The following MTUS2 variants were observed in gnomAD, a reference collection of about 807,000 sequenced individuals.
MTUS2 encodes microtubule-associated tumor suppressor candidate 2.
In MTUS2, 40 loss-of-function variants were observed where a neutral mutation model predicts 114.1. That is an observed-to-expected ratio of 0.35 (90% CI 0.27 to 0.46). The LOEUF (loss-of-function observed/expected upper bound fraction) is 0.46. Ranked by LOEUF, MTUS2 falls within the 20% of genes least tolerant of loss-of-function variation. The probability of loss-of-function intolerance (pLI) is 1.00; values close to 1 mark genes in which losing one functional copy is unlikely to be tolerated. For missense variants in MTUS2, 1,679 were observed against 1,705.4 expected, an observed-to-expected ratio of 0.98 and a Z score of 0.27; for synonymous variants, 688 against 672.0, an observed-to-expected ratio of 1.02 and a Z score of -0.37.
intron 2 of MTUS2, among the ~76,000 whole-genome samples, chr13:29,007,246 AT>A (rs1212840281): frequency 6.6e-6 from 1 of 152,076 alleles, no homozygotes; most frequent in South Asian, 2.1e-4. Context: ...AAATTTTTAA[AT>A]TTTTATTATA....
At chr13:29,444,091 A>G (rs1878098912) in intron 9 of MTUS2, among the ~76,000 whole-genome samples, 1 of 152,136 alleles carries the variant, frequency 6.6e-6, no homozygotes, top group African/African-American at 2.4e-5. Context: ...ATACCCATCC[A>G]TTGTCCCAAC....
chr13:29,140,034 CTTCT>C (rs974644025), intron 5 of MTUS2, among the ~76,000 whole-genome samples: 75 of 152,302 alleles, frequency 4.9e-4, no homozygotes, highest in African/African-American at 1.7e-3. Context: ...TGAGAATTTT[CTTCT>C]TTCTCTGAGT....
At position 29,064,228 on chromosome 13, in the gene MTUS2, A is replaced by G. The variant is rs531603770; in HGVS notation, c.2446+30103A>G. On this transcript the variant is annotated intron_variant, in intron 4 of 15. Coordinates refer to ENST00000612955, the MANE Select transcript of MTUS2 (RefSeq NM_001033602.4). ...AGTGAAACAGCGAGGTCCATGCGGA[A>G]GGAACATGGCAGAGGCATGGAGATT... Among the ~76,000 whole-genome samples the G allele has an allele frequency of 2.0e-4, 30 of 152,278 alleles. No individual in the cohort carries two copies. In the South Asian group the frequency reaches 6.2e-3, roughly 32 times the overall value.
chr13:29,240,651 G>A (rs969132495), intron 5 of MTUS2, among the ~76,000 whole-genome samples: 5 of 152,136 alleles, frequency 3.3e-5, no homozygotes, highest in Non-Finnish European at 5.9e-5. Flanking sequence ...AAAAATTTCA[G>A]TGTGTTATCA....
intron 8 of MTUS2, among the ~76,000 whole-genome samples, chr13:29,392,705 A>T (rs1396216746): frequency 2.6e-5 from 4 of 152,178 alleles, no homozygotes; most frequent in Non-Finnish European, 5.9e-5. Context: ...AGTCAGATTT[A>T]TAGAGAGAGA....
intron 2 of MTUS2, among the ~76,000 whole-genome samples, chr13:28,846,055 A>AAAAAATAT (rs140946282): frequency 7.0e-6 from 1 of 143,160 alleles, no homozygotes; most frequent in South Asian, 2.2e-4. Flanking sequence ...TTAAAAAAAA[A>AAAAAATAT]ATATATATAT....
intron 2 of MTUS2, among the ~76,000 whole-genome samples, chr13:29,013,696 C>G (rs1885946313): frequency 6.6e-6 from 1 of 152,210 alleles, no homozygotes; most frequent in African/African-American, 2.4e-5. Context: ...AAATCCTGTA[C>G]TCAGACCTTG....
rs542776355 is a variant in MTUS2 at position 28,891,044 on chromosome 13, A to G, written c.-243+51194A>G. On this transcript the variant is annotated intron_variant, in intron 2 of 15. Transcript: ENST00000612955. The stretch of plus-strand genomic sequence containing the variant: ...CTCTTCATCAGCCCTACAAAGTGTC[A>G]GTTTTCCCCTCTGGACGAGCCCCTG... Among the ~76,000 whole-genome samples, 101 of 152,330 alleles carry G rather than the reference A, an allele frequency of 6.6e-4. 1 individual carries two copies. The highest frequency in any genetic ancestry group is 6.6e-3 in the South Asian group (32 of 4,828).
intron 7 of MTUS2, among the ~76,000 whole-genome samples, chr13:29,348,163 A>T (rs1868899239): frequency 6.6e-6 from 1 of 152,184 alleles, no homozygotes; most frequent in Non-Finnish European, 1.5e-5. Flanking sequence ...CAAGCTTCTA[A>T]TCATGGCTTG....
At chr13:28,909,862 A>G (rs966291305) in intron 2 of MTUS2, among the ~76,000 whole-genome samples, 5 of 152,178 alleles carry the variant, frequency 3.3e-5, no homozygotes, top group Non-Finnish European at 7.3e-5. Flanking sequence ...TGCAAAAATC[A>G]CAGCCGTTCT....
At chr13:29,050,661 T>C (rs914138592) in intron 4 of MTUS2, among the ~76,000 whole-genome samples, 7 of 152,212 alleles carry the variant, frequency 4.6e-5, no homozygotes, top group Admixed American at 6.5e-5. Context: ...TCACTCTGGT[T>C]CTACCCGTGT....
At chr13:29,203,676 GTC>G (rs1364800525) in intron 5 of MTUS2, among the ~76,000 whole-genome samples, 1 of 152,090 alleles carries the variant, frequency 6.6e-6, no homozygotes, top group African/African-American at 2.4e-5. Context: ...GAATCTCCTG[GTC>G]TGTGGGTTGT....
At chr13:29,086,636 A>G (rs1330807242) in intron 4 of MTUS2, among the ~76,000 whole-genome samples, 2 of 152,068 alleles carry the variant, frequency 1.3e-5, no homozygotes, top group Admixed American at 1.3e-4. Context: ...GAATTTGAGA[A>G]TACGTTTTTC....
At chr13:29,047,746 G>A (rs150769496) in intron 4 of MTUS2, among the ~76,000 whole-genome samples, 23 of 152,206 alleles carry the variant, frequency 1.5e-4, no homozygotes, top group Middle Eastern at 3.4e-3. Flanking sequence ...ATCTCCTGAC[G>A]TGATGCGCCC....
intron 2 of MTUS2, among the ~76,000 whole-genome samples, chr13:28,954,203 A>G (rs1368354643): frequency 6.6e-6 from 1 of 152,188 alleles, no homozygotes; most frequent in Non-Finnish European, 1.5e-5. Flanking sequence ...TTGCGAATAA[A>G]TTCCACAGAA....
chr13:29,184,302 C>T (rs1894129962), intron 5 of MTUS2, among the ~76,000 whole-genome samples: 1 of 152,200 alleles, frequency 6.6e-6, no homozygotes, highest in South Asian at 2.1e-4. Flanking sequence ...TCCCTTATTT[C>T]CTCACCTTCC....
At chr13:28,841,279 G>C (rs1407208453) in intron 2 of MTUS2, among the ~76,000 whole-genome samples, 2 of 152,212 alleles carry the variant, frequency 1.3e-5, no homozygotes, top group African/African-American at 2.4e-5. Flanking sequence ...GCCAGATTTA[G>C]GGGCTACGGG....
intron 6 of MTUS2, chr13:29,307,206 C>T: frequency 1.8e-6 from 1 of 552,456 alleles, no homozygotes; most frequent in South Asian, 1.7e-5. Context: ...ATGACAGCAG[C>T]CTCAAGATCA....
intron 2 of MTUS2, among the ~76,000 whole-genome samples, chr13:28,899,384 T>C (rs1457629313): frequency 6.6e-6 from 1 of 152,170 alleles, no homozygotes; most frequent in Non-Finnish European, 1.5e-5. Flanking sequence ...ATAAGGCAAA[T>C]GCGAAGCTGT....
Sources: allele counts gnomAD v4.1 joint callset (sites outside exome capture counted in the v4.1 genomes callset), GRCh38; gene constraint gnomAD v4.1.1; transcripts MANE v1.5; gene names NCBI Gene and HGNC (gene_info 2026-07-23, HGNC 2026-07-21).